LHX8: variants seen among roughly 807,000 people sequenced by gnomAD.
LHX8 encodes LIM/homeobox protein Lhx8.
LHX8 carries 12 observed loss-of-function variants against 40.3 expected under a neutral mutation model. The observed-to-expected ratio is 0.30, with a 90% confidence interval of 0.19 to 0.48. LHX8 has a LOEUF of 0.48. Among genes scored for constraint, LHX8 ranks in the 20% least tolerant of loss-of-function variants. The pLI is 0.99. For missense variants in LHX8, 344 were observed against 433.7 expected, an observed-to-expected ratio of 0.79 and a Z score of 1.84; for synonymous variants, 179 against 162.0, an observed-to-expected ratio of 1.10 and a Z score of -0.80.
At chr1:75,136,747 C>T (rs1002522226) in intron 2 of LHX8, 58 bp downstream of exon 2, 31 of 1,373,150 alleles carry the variant, frequency 2.3e-5, no homozygotes, top group Non-Finnish European at 2.7e-5. Flanking sequence ...CGGCGCAGGA[C>T]GAAGGGCCGC....
chr1:75,189,450 C>A, the LHX8 span, among the ~76,000 whole-genome samples: 1 of 152,112 alleles, frequency 6.6e-6, no homozygotes, highest in Non-Finnish European at 1.5e-5. Context: ...AAGGAACTAG[C>A]AGCCCATTCT....
At chr1:75,131,299 T>C (rs1348123582), upstream of LHX8, 3 of 170,526 alleles carry the variant, frequency 1.8e-5, no homozygotes, top group African/African-American at 7.1e-5. Flanking sequence ...CCAGGTTAAG[T>C]TCTCTCAAAC....
At chr1:75,157,758 T>C (rs1374672105) in intron 8 of LHX8, among the ~76,000 whole-genome samples, 2 of 152,234 alleles carry the variant, frequency 1.3e-5, no homozygotes, top group Non-Finnish European at 2.9e-5. Flanking sequence ...TTATTTGTTT[T>C]CATTGTTATA....
chr1:75,175,329 G>A, the LHX8 span, among the ~76,000 whole-genome samples: 6 of 152,242 alleles, frequency 3.9e-5, no homozygotes, highest in East Asian at 1.9e-4. Flanking sequence ...GCCCAGTAAC[G>A]GAATTGCTGG....
chr1:75,144,932 T>C (rs1648421116), intron 6 of LHX8, among the ~76,000 whole-genome samples: 1 of 152,116 alleles, frequency 6.6e-6, no homozygotes, highest in Non-Finnish European at 1.5e-5. Flanking sequence ...TTTCAGGAGA[T>C]AATTTTTATT....
chr1:75,153,347 A>G (rs750528709), intron 7 of LHX8, among the ~76,000 whole-genome samples: 1 of 150,644 alleles, frequency 6.6e-6, no homozygotes, highest in Admixed American at 6.6e-5. Context: ...CTCGTGATCC[A>G]CCCACCTCGG....
Position 75,153,634 on chromosome 1 carries a change from A to T in LHX8, c.781-3259A>T, listed in dbSNP as rs1306213246. 5.2e-5 allele frequency among the ~76,000 whole-genome samples: 7 copies of T among 135,888 alleles called. No individual in the cohort carries two copies. The Admixed American group carries it at 5.2e-4, about 10-fold the overall frequency. The allele number at this position is 135,888 out of a possible 152,430, so 89.1% of individuals were successfully genotyped here. On this transcript the variant is annotated intron_variant, in intron 7 of 8. Coordinates refer to ENST00000356261, the MANE Select transcript of LHX8 (RefSeq NM_001256114.2). ...ACCATGTTGGCCAGGCTGGTCTTGA[A>T]CTCCTGAACTTGTGATCTGCCACCT...
intron 2 of LHX8, 151 bp downstream of exon 2, chr1:75,136,840 G>GGGGGGGGGGGA: frequency 4.5e-6 from 2 of 448,574 alleles, no homozygotes; most frequent in East Asian, 4.9e-5. Flanking sequence ...GGTGGGGTGG[G>GGGGGGGGGGGA]AAGCTTAGCT....
intron 8 of LHX8, among the ~76,000 whole-genome samples, chr1:75,159,038 T>C (rs1187119137): frequency 1.3e-5 from 2 of 152,176 alleles, no homozygotes; most frequent in Admixed American, 6.5e-5. Context: ...GACTTTTCTG[T>C]TTAGTAATCT....
the LHX8 span, among the ~76,000 whole-genome samples, chr1:75,179,545 A>G: frequency 8.1e-6 from 1 of 123,064 alleles, no homozygotes; most frequent in Non-Finnish European, 1.6e-5. Context: ...TGCTTGGTAG[A>G]TCTTCCTCCA....
the LHX8 span, among the ~76,000 whole-genome samples, chr1:75,190,553 T>C: frequency 2.4e-3 from 373 of 152,304 alleles, 1 homozygote; most frequent in Middle Eastern, 0.014. Flanking sequence ...CTCAACCAGA[T>C]ATCATTTATC....
At chr1:75,159,512 A>T (rs1055366237) in intron 8 of LHX8, 1 of 152,124 alleles carries the variant, frequency 6.6e-6, no homozygotes, top group Non-Finnish European at 1.5e-5. Context: ...TAAAAAAATC[A>T]TCCACCGACT....
chr1:75,131,783 T>G (rs1371896962), upstream of LHX8: 1 of 152,292 alleles, frequency 6.6e-6, no homozygotes, highest in Non-Finnish European at 1.5e-5. Context: ...AGGCACAGCC[T>G]GGGACAGGAC....
intron 8 of LHX8, among the ~76,000 whole-genome samples, chr1:75,158,808 G>A (rs768869353): frequency 1.3e-5 from 2 of 151,996 alleles, no homozygotes; most frequent in African/African-American, 2.4e-5. Context: ...ATTCAAGTTT[G>A]TATTGCCCAT....
chr1:75,132,638 C>G (rs900680409), upstream of LHX8: 2 of 152,104 alleles, frequency 1.3e-5, no homozygotes, highest in East Asian at 1.9e-4. Flanking sequence ...CATAAATGCC[C>G]GCACCCCCGC....
At chr1:75,129,422 C>T (rs1647904764), upstream of LHX8, among the ~76,000 whole-genome samples, 2 of 152,142 alleles carry the variant, frequency 1.3e-5, no homozygotes, top group Non-Finnish European at 2.9e-5. Context: ...ATTCATGGCT[C>T]AAGATTCTTG....
At chr1:75,145,028 C>G (rs1039275691) in intron 6 of LHX8, among the ~76,000 whole-genome samples, 1 of 152,082 alleles carries the variant, frequency 6.6e-6, no homozygotes, top group Non-Finnish European at 1.5e-5. Flanking sequence ...GCATTAAAAT[C>G]TAGATCCATT....
the LHX8 span, among the ~76,000 whole-genome samples, chr1:75,183,481 T>TAA: frequency 3.4e-5 from 5 of 148,646 alleles, no homozygotes; most frequent in East Asian, 2.0e-4. Context: ...ATAATGTTCT[T>TAA]AAAAAAAAAA....
chr1:75,174,563 G>A, the LHX8 span, among the ~76,000 whole-genome samples: 8 of 152,088 alleles, frequency 5.3e-5, no homozygotes. Flanking sequence ...CCCAAGACAG[G>A]TCTGCAAGTT....
Sources: allele counts gnomAD v4.1 joint callset (sites outside exome capture counted in the v4.1 genomes callset), GRCh38; gene constraint gnomAD v4.1.1; transcripts MANE v1.5; gene names NCBI Gene and HGNC (gene_info 2026-07-23, HGNC 2026-07-21).